PDE4B: variants seen among roughly 807,000 people sequenced by gnomAD.
PDE4B encodes phosphodiesterase 4B, also known as 3',5'-cyclic-AMP phosphodiesterase 4B.
Under a neutral mutation model 82.2 loss-of-function variants are expected in PDE4B, and 20 were observed. The observed-to-expected ratio is 0.24, with a 90% CI of 0.17 to 0.35. The LOEUF is 0.35. Among genes scored for constraint, PDE4B ranks in the 10% least tolerant of loss-of-function variants. PDE4B has a pLI of 1.00. For synonymous variants in PDE4B, 320 were observed against 318.9 expected, an observed-to-expected ratio of 1.00 and a Z score of -0.04; for missense variants, 655 against 907.2, an observed-to-expected ratio of 0.72 and a Z score of 3.57.
chr1:65,795,191 T>C (rs1337594208), intron 1 of PDE4B, among the ~76,000 whole-genome samples: 1 of 152,246 alleles, frequency 6.6e-6, no homozygotes, highest in African/African-American at 2.4e-5. Flanking sequence ...CATTTTGGTT[T>C]ACAAATGCAA....
chr1:65,930,877 G>C (rs1027223725), intron 3 of PDE4B, among the ~76,000 whole-genome samples: 4 of 152,176 alleles, frequency 2.6e-5, no homozygotes, highest in African/African-American at 9.7e-5. Context: ...ATTGTATTTT[G>C]CAGTGTGAGA....
chr1:65,919,874 A>G (rs1157210019), intron 3 of PDE4B, among the ~76,000 whole-genome samples: 2 of 152,190 alleles, frequency 1.3e-5, no homozygotes, highest in Non-Finnish European at 2.9e-5. Context: ...GCATTAGATC[A>G]CTGAAACTCC....
intron 3 of PDE4B, among the ~76,000 whole-genome samples, chr1:66,005,864 A>G (rs1162613940): frequency 6.6e-6 from 1 of 152,162 alleles, no homozygotes; most frequent in African/African-American, 2.4e-5. Context: ...CTGAATCCCT[A>G]ATGCCCACGG....
intron 3 of PDE4B, among the ~76,000 whole-genome samples, chr1:66,038,213 T>A (rs1386404579): frequency 6.6e-6 from 1 of 152,190 alleles, no homozygotes; most frequent in Non-Finnish European, 1.5e-5. Flanking sequence ...AGTGTTATTT[T>A]GTGCCAGTCA....
At chr1:65,968,752 A>G (rs1424405970) in intron 3 of PDE4B, among the ~76,000 whole-genome samples, 1 of 152,192 alleles carries the variant, frequency 6.6e-6, no homozygotes. Flanking sequence ...TTAAAAATGC[A>G]GTTAGTAACT....
At chr1:65,877,850 A>G (rs1250708419) in intron 1 of PDE4B, among the ~76,000 whole-genome samples, 1 of 152,184 alleles carries the variant, frequency 6.6e-6, no homozygotes, top group East Asian at 1.9e-4. Flanking sequence ...CTAAAACACC[A>G]AAAGCAATTG....
chr1:66,332,547 A>G lies in PDE4B; in HGVS notation c.674A>G (p.Glu225Gly), dbSNP rs764077407. The change falls in exon 8 of 17, where the codon GAA becomes GGA. Residue 225 changes from glutamate (E) to glycine (G), a missense_variant. Physicochemically the swap from Glu to Gly is moderately conservative, Grantham distance 98. Transcript: ENST00000341517. ...AAATTAGCAATGGAAACGCTGGAGG[A>G]ATTAGACTGGTGTTTAGACCAGCTA... ...YQKLAMETLE[E>G]LDWCLDQLET... The G allele has an allele frequency of 6.8e-6, 11 of 1,614,030 alleles. No individual in the cohort carries two copies. Among genetic ancestry groups the G allele is most frequent in the African/African-American group, 1.3e-5 (1 of 74,926 alleles).
chr1:66,372,680 C>T lies in PDE4B; in HGVS notation c.*2C>T, dbSNP rs780442680. 5.0e-6 allele frequency: 8 copies of T among 1,606,914 alleles called. No homozygotes were observed. The Admixed American group carries it at 1.2e-4, about 24-fold the overall frequency. On this transcript the variant is annotated 3_prime_UTR_variant, in exon 17 of 17. Coordinates refer to ENST00000341517, the MANE Select transcript of PDE4B (RefSeq NM_002600.4). Reference sequence around the variant, plus strand: ...GACAAGTCCCCCGTGGATACATAATCCCCCTCTCCCTGTGGAGATGAACAT... The same window carrying T: ...GACAAGTCCCCCGTGGATACATAATTCCCCTCTCCCTGTGGAGATGAACAT...
At chr1:65,824,619 A>G (rs1204155870) in intron 1 of PDE4B, among the ~76,000 whole-genome samples, 6 of 149,654 alleles carry the variant, frequency 4.0e-5, no homozygotes, top group South Asian at 4.2e-4. Context: ...CTACATATAT[A>G]TATACACATA....
chr1:66,054,476 T>C (rs139805351), intron 3 of PDE4B, among the ~76,000 whole-genome samples: 15 of 152,352 alleles, frequency 9.8e-5, no homozygotes, highest in Non-Finnish European at 1.6e-4. Context: ...TCTAGATATC[T>C]GTTCAACATA....
At chr1:66,221,591 C>T (rs1650994481) in intron 3 of PDE4B, among the ~76,000 whole-genome samples, 1 of 152,178 alleles carries the variant, frequency 6.6e-6, no homozygotes, top group Non-Finnish European at 1.5e-5. Flanking sequence ...CAGGTAAATT[C>T]TCCCAAATCA....
Position 66,093,094 on chromosome 1 carries a change from G to C in PDE4B, c.282-154366G>C, listed in dbSNP as rs540919297. On this transcript the variant is annotated intron_variant, in intron 3 of 16. Coordinates refer to ENST00000341517, the MANE Select transcript of PDE4B (RefSeq NM_002600.4). ...TACTGAAATAGTTGAGCCCCAGTAG[G>C]ACAGGGTTTGTGGCATGAATAGGGC... is the stretch of plus-strand genomic sequence containing the variant. Among the ~76,000 whole-genome samples the C allele has an allele frequency of 2.0e-5, 3 of 152,068 alleles. No homozygotes were observed. In the South Asian group the frequency reaches 6.2e-4, roughly 32 times the overall value.
chr1:65,854,975 C>G (rs1185521004), intron 1 of PDE4B, among the ~76,000 whole-genome samples: 1 of 151,586 alleles, frequency 6.6e-6, no homozygotes, highest in Non-Finnish European at 1.5e-5. Context: ...TTCATAGTAT[C>G]TGATCTGCTC....
intron 1 of PDE4B, among the ~76,000 whole-genome samples, chr1:65,793,983 G>A (rs1645603701): frequency 6.6e-6 from 1 of 152,104 alleles, no homozygotes. Context: ...ATGGCCAACA[G>A]CTTTAAAGCG....
intron 3 of PDE4B, among the ~76,000 whole-genome samples, chr1:65,975,843 C>T (rs901803303): frequency 3.3e-5 from 5 of 152,306 alleles, no homozygotes; most frequent in African/African-American, 1.2e-4. Flanking sequence ...GGATTGGAAA[C>T]CTCCACCTAG....
chr1:65,892,308 T>C (rs1292123587), intron 1 of PDE4B, among the ~76,000 whole-genome samples: 1 of 152,070 alleles, frequency 6.6e-6, no homozygotes, highest in Non-Finnish European at 1.5e-5. Context: ...ATATTGATAG[T>C]AACTAATTTA....
At chr1:66,229,173 A>G (rs1335551306) in intron 3 of PDE4B, among the ~76,000 whole-genome samples, 2 of 89,514 alleles carry the variant, frequency 2.2e-5, no homozygotes, top group African/African-American at 1.1e-4. Context: ...ATGCCCGGCT[A>G]ATTTTTTTTG....
chr1:65,879,562 G>T (rs1257711675), intron 1 of PDE4B, among the ~76,000 whole-genome samples: 3 of 152,090 alleles, frequency 2.0e-5, no homozygotes, highest in African/African-American at 7.2e-5. Context: ...GTCTAGAAAA[G>T]CTAAGAAAAA....
At chr1:65,922,201 C>T (rs1647273436) in intron 3 of PDE4B, among the ~76,000 whole-genome samples, 1 of 152,090 alleles carries the variant, frequency 6.6e-6, no homozygotes, top group Admixed American at 6.6e-5. Context: ...CCAAAAGACA[C>T]AAATGAACAA....
Sources: allele counts gnomAD v4.1 joint callset (sites outside exome capture counted in the v4.1 genomes callset), GRCh38; gene constraint gnomAD v4.1.1; transcripts MANE v1.5; gene names NCBI Gene and HGNC (gene_info 2026-07-23, HGNC 2026-07-21).